Variants in CDK19 observed in about 807,000 individuals in gnomAD.
CDK19 encodes cyclin dependent kinase 19, also known as cyclin-dependent kinase 19.
In CDK19, 20 loss-of-function variants were observed where a neutral mutation model predicts 68.3. The observed-to-expected ratio is 0.29, with a 90% confidence interval of 0.21 to 0.43. CDK19 has a LOEUF of 0.43. Among genes scored for constraint, CDK19 ranks in the 20% least tolerant of loss-of-function variants. CDK19 has a pLI of 1.00. For synonymous variants in CDK19, 221 were observed against 222.8 expected, an observed-to-expected ratio of 0.99 and a Z score of 0.07; for missense variants, 339 against 623.5, an observed-to-expected ratio of 0.54 and a Z score of 4.86.
At chr6:110,650,787 T>C (rs145339028) in intron 4 of CDK19, among the ~76,000 whole-genome samples, 5 of 152,130 alleles carry the variant, frequency 3.3e-5, no homozygotes, top group Non-Finnish European at 7.4e-5. Flanking sequence ...ACAGCAATAG[T>C]AATTATAAAG....
intron 1 of CDK19, among the ~76,000 whole-genome samples, chr6:110,796,424 G>A (rs934677376): frequency 2.0e-5 from 3 of 151,934 alleles, no homozygotes; most frequent in African/African-American, 7.3e-5. Context: ...AGGCTGAGGT[G>A]GGTGGACTGT....
intron 4 of CDK19, chr6:110,646,641 A>G (rs1780605582): frequency 2.6e-5 from 14 of 548,362 alleles, no homozygotes; most frequent in African/African-American, 5.8e-5. Context: ...AGTTAGTTTT[A>G]CTACTCCCTT....
intron 2 of CDK19, among the ~76,000 whole-genome samples, chr6:110,688,860 GTAAC>G (rs1460081639): frequency 6.6e-6 from 1 of 152,218 alleles, no homozygotes; most frequent in African/African-American, 2.4e-5. Context: ...ATTTCACAAT[GTAAC>G]CTCAAGTGGG....
intron 2 of CDK19, among the ~76,000 whole-genome samples, chr6:110,741,607 A>G (rs754923792): frequency 6.6e-6 from 1 of 152,118 alleles, no homozygotes; most frequent in Non-Finnish European, 1.5e-5. Flanking sequence ...AAGACACATC[A>G]TAGGCAAACT....
At chr6:110,637,572 T>G (rs1342581515) in intron 5 of CDK19, among the ~76,000 whole-genome samples, 1 of 152,202 alleles carries the variant, frequency 6.6e-6, no homozygotes, top group Non-Finnish European at 1.5e-5. Context: ...GAGCACAATT[T>G]TGCATCACCT....
intron 1 of CDK19, among the ~76,000 whole-genome samples, chr6:110,805,075 T>A (rs993671383): frequency 2.0e-5 from 3 of 152,216 alleles, no homozygotes; most frequent in Non-Finnish European, 4.4e-5. Flanking sequence ...TGCACACTTG[T>A]ATCCTGAATT....
At chr6:110,706,407 T>TTTTTG (rs1774488523) in intron 2 of CDK19, 1 of 78,844 alleles carries the variant, frequency 1.3e-5, no homozygotes, top group Admixed American at 1.3e-4. Context: ...CACTGTTGTT[T>TTTTTG]TTTTTTTGTT....
intron 1 of CDK19, among the ~76,000 whole-genome samples, chr6:110,802,064 T>C (rs1027646645): frequency 6.6e-6 from 1 of 152,194 alleles, no homozygotes; most frequent in African/African-American, 2.4e-5. Flanking sequence ...GAAAAGGGAA[T>C]GCTTATATAC....
chr6:110,683,805 G>GC (rs200913998), intron 2 of CDK19, among the ~76,000 whole-genome samples: 2,805 of 149,832 alleles, frequency 0.019, 39 homozygotes, highest in Non-Finnish European at 0.031. Context: ...GGGTTGAAGT[G>GC]ATTCTCCTGC....
chr6:110,646,380 G>A lies in CDK19; in HGVS notation c.457-7674C>T, dbSNP rs1162814178. 10 of 1,471,764 alleles carry A rather than the reference G, an allele frequency of 6.8e-6. No individual in the cohort carries two copies. The Admixed American group carries it at 1.2e-4, about 18-fold the overall frequency. 91.2% of individuals were successfully genotyped at this position (1,471,764 alleles called of 1,614,324 possible). ...CTTCCATGTGGGCGACAGCGCCAAC[G>A]ACTTCTGCCCATGGGGCTGCTGGCG... On this transcript the variant is annotated intron_variant, in intron 4 of 12. Coordinates refer to ENST00000368911, the MANE Select transcript of CDK19 (RefSeq NM_015076.5).
At chr6:110,615,484 G>C (rs1778256479) in intron 12 of CDK19, among the ~76,000 whole-genome samples, 1 of 152,198 alleles carries the variant, frequency 6.6e-6, no homozygotes, top group South Asian at 2.1e-4. Flanking sequence ...TGTAAGCAAA[G>C]TGGGAAAGAA....
At chr6:110,658,749 C>T (rs1013600078) in intron 4 of CDK19, among the ~76,000 whole-genome samples, 7 of 152,138 alleles carry the variant, frequency 4.6e-5, no homozygotes, top group African/African-American at 1.7e-4. Flanking sequence ...CATATTTACA[C>T]TAGATCTCTG....
At chr6:110,766,577 C>CA (rs1397278909) in intron 1 of CDK19, among the ~76,000 whole-genome samples, 2 of 150,844 alleles carry the variant, frequency 1.3e-5, no homozygotes, top group East Asian at 1.9e-4. Flanking sequence ...GACTCTGTCT[C>CA]AAAAAAAAGA....
chr6:110,634,279 C>T (rs1464526425), intron 5 of CDK19, among the ~76,000 whole-genome samples: 1 of 152,082 alleles, frequency 6.6e-6, no homozygotes, highest in Non-Finnish European at 1.5e-5. Context: ...TGCTGTGGTG[C>T]CACCTCAGCT....
chr6:110,650,368 G>C (rs1034970131), intron 4 of CDK19, among the ~76,000 whole-genome samples: 1 of 152,046 alleles, frequency 6.6e-6, no homozygotes, highest in Non-Finnish European at 1.5e-5. Context: ...TAAGTGACAG[G>C]TTCTCTTATG....
intron 4 of CDK19, chr6:110,646,587 G>C: frequency 2.7e-6 from 2 of 747,286 alleles, no homozygotes; most frequent in Non-Finnish European, 3.9e-6. Flanking sequence ...GGTCAACCGG[G>C]CCAACGGCGG....
chr6:110,634,115 A>T (rs1188968250), intron 5 of CDK19, among the ~76,000 whole-genome samples: 1 of 152,252 alleles, frequency 6.6e-6, no homozygotes, highest in African/African-American at 2.4e-5. Context: ...CATTTAATCT[A>T]AAACTAATGT....
intron 2 of CDK19, among the ~76,000 whole-genome samples, chr6:110,678,110 CAT>C (rs1371484083): frequency 2.0e-5 from 3 of 151,984 alleles, no homozygotes; most frequent in African/African-American, 7.2e-5. Flanking sequence ...GGCCTCCCAA[CAT>C]GTTAGGATTC....
At chr6:110,705,850 G>A (rs1774423597) in intron 2 of CDK19, among the ~76,000 whole-genome samples, 1 of 152,154 alleles carries the variant, frequency 6.6e-6, no homozygotes, top group African/African-American at 2.4e-5. Flanking sequence ...ACTGGGGCTT[G>A]TCAGGGGTAG....
Sources: gnomAD v4.1 joint callset for allele counts (sites outside exome capture counted in the v4.1 genomes callset) on GRCh38, gnomAD v4.1.1 for gene constraint, MANE v1.5 for transcripts, NCBI Gene and HGNC (gene_info 2026-07-23, HGNC 2026-07-21) for gene names.